The following CDK14 variants were observed in gnomAD, a reference collection of about 807,000 sequenced individuals.
The protein encoded by CDK14 is cyclin-dependent kinase 14.
CDK14 carries 34 observed loss-of-function variants against 60.7 expected under a neutral mutation model. That is an observed-to-expected ratio of 0.56 (90% CI 0.43 to 0.75). The LOEUF is 0.75. Among genes scored for constraint, CDK14 ranks in the 30% least tolerant of loss-of-function variants. The probability of loss-of-function intolerance (pLI) is 0.00; values close to 1 mark genes in which losing one functional copy is unlikely to be tolerated. For synonymous variants in CDK14, 197 were observed against 203.7 expected (o/e 0.97, Z 0.28); for missense variants, 482 against 564.1 (o/e 0.85, Z 1.47).
intron 5 of CDK14, among the ~76,000 whole-genome samples, chr7:90,833,939 A>G (rs1435543158): frequency 6.6e-6 from 1 of 152,168 alleles, no homozygotes. Flanking sequence ...TGGATATTTC[A>G]TAGTAGCTCT....
chr7:90,880,623 C>A (rs540876907), intron 6 of CDK14, among the ~76,000 whole-genome samples: 1 of 152,268 alleles, frequency 6.6e-6, no homozygotes, highest in East Asian at 1.9e-4. Context: ...TGCCACCCAA[C>A]TGGATGAGAC....
At chr7:90,886,170 G>A (rs993680574) in intron 6 of CDK14, among the ~76,000 whole-genome samples, 1 of 151,984 alleles carries the variant, frequency 6.6e-6, no homozygotes, top group Non-Finnish European at 1.5e-5. Flanking sequence ...CTCTATGAGG[G>A]CACTGAGTTG....
At chr7:90,787,783 A>T (rs1271860240) in intron 4 of CDK14, among the ~76,000 whole-genome samples, 1 of 152,212 alleles carries the variant, frequency 6.6e-6, no homozygotes, top group African/African-American at 2.4e-5. Context: ...AAAAACAAAC[A>T]CTTGGAGGTT....
intron 3 of CDK14, among the ~76,000 whole-genome samples, chr7:90,735,849 G>A (rs892334560): frequency 6.6e-6 from 1 of 152,186 alleles, no homozygotes; most frequent in Non-Finnish European, 1.5e-5. Flanking sequence ...TGTCTCCCTG[G>A]CATTCCAGGT....
chr7:91,117,447 G>T (rs62468510), intron 13 of CDK14, among the ~76,000 whole-genome samples: 22 of 151,540 alleles, frequency 1.5e-4, no homozygotes, highest in Non-Finnish European at 2.4e-4. Context: ...CTTATATTTT[G>T]TGCTTGCTCT....
rs1802467636 is a variant in CDK14, at chr7:91,194,404, AAC to A, written c.*29-12759_*29-12758del. 2.6e-5 allele frequency among the ~76,000 whole-genome samples: 4 copies of A among 152,298 alleles called. No individual in the cohort carries two copies. The South Asian group carries it at 8.3e-4, about 32-fold the overall frequency. ...GTAATTACAAAAAGAATAAAACTAA[AAC>A]AGCTTATTGGAGCTGATTGGGCTGA... On this transcript the variant is annotated intron_variant, in intron 14 of 14. Transcript: ENST00000380050.
chr7:91,095,656 A>G (rs1049671096), intron 12 of CDK14, among the ~76,000 whole-genome samples: 1 of 152,192 alleles, frequency 6.6e-6, no homozygotes, highest in African/African-American at 2.4e-5. Flanking sequence ...TTACACAACA[A>G]TGTTAGGAAA....
At chr7:90,875,824 A>G (rs1047709224) in intron 6 of CDK14, among the ~76,000 whole-genome samples, 5 of 151,884 alleles carry the variant, frequency 3.3e-5, no homozygotes, top group African/African-American at 9.7e-5. Context: ...TTTGTGTTTC[A>G]CATATTCTAT....
intron 14 of CDK14, among the ~76,000 whole-genome samples, chr7:91,189,164 CT>C (rs1802277300): frequency 6.6e-6 from 1 of 152,004 alleles, no homozygotes; most frequent in African/African-American, 2.4e-5. Flanking sequence ...TTCTTCTTTC[CT>C]TTATGAATAA....
chr7:91,146,010 C>A lies in CDK14; in HGVS notation c.*28+27802C>A, dbSNP rs1289048971. 2.0e-5 allele frequency among the ~76,000 whole-genome samples: 3 copies of A among 151,972 alleles called. No homozygotes were observed. In the East Asian group the frequency reaches 5.8e-4, roughly 29 times the overall value. On this transcript the variant is annotated intron_variant, in intron 14 of 14. Coordinates refer to ENST00000380050, the MANE Select transcript of CDK14 (RefSeq NM_001287135.2). The stretch of plus-strand genomic sequence containing the variant: ...ATCCTTTTATTTGACTCAAACTGAA[C>A]AATAACATTTAAAACACACAATGGG...
intron 2 of CDK14, among the ~76,000 whole-genome samples, chr7:90,725,595 T>C (rs1802609302): frequency 6.6e-6 from 1 of 152,170 alleles, no homozygotes; most frequent in Non-Finnish European, 1.5e-5. Flanking sequence ...CATATAGGGA[T>C]GTGGGAACTT....
chr7:90,903,674 A>G (rs376293684), intron 7 of CDK14, among the ~76,000 whole-genome samples: 2 of 152,318 alleles, frequency 1.3e-5, no homozygotes, highest in East Asian at 1.9e-4. Context: ...ATAGTTAACA[A>G]CAATACATTG....
intron 4 of CDK14, among the ~76,000 whole-genome samples, chr7:90,785,271 T>C (rs1407453487): frequency 6.6e-6 from 1 of 152,240 alleles, no homozygotes; most frequent in African/African-American, 2.4e-5. Context: ...TTTTCAGAGA[T>C]GACACAGATA....
rs115312869 is a variant in CDK14, at chr7:90,949,910, G to A, written c.827-5787G>A. Reference sequence around the variant, plus strand: ...ACAAAAAACATAGACCTGTCCTCAGGGCGCCCAATTTTCTGGAAAGGATAC... The same window carrying A: ...ACAAAAAACATAGACCTGTCCTCAGAGCGCCCAATTTTCTGGAAAGGATAC... On this transcript the variant is annotated intron_variant, in intron 8 of 14. Coordinates refer to ENST00000380050, the MANE Select transcript of CDK14 (RefSeq NM_001287135.2). 5.3e-3 allele frequency among the ~76,000 whole-genome samples: 805 copies of A among 152,216 alleles called. 11 individuals are homozygous for A. The highest frequency in any genetic ancestry group is 0.018 in the African/African-American group (765 of 41,536).
rs1035175782 is a variant in CDK14 at position 90,743,824 on chromosome 7, C to G, written c.370-3857C>G. Among the ~76,000 whole-genome samples the G allele has an allele frequency of 4.7e-4, 72 of 152,058 alleles. 1 individual carries two copies. The highest frequency in any genetic ancestry group is 1.7e-3 in the African/African-American group (70 of 41,500). ...TAGGTATTATTTTAAAAAATGCTTA[C>G]TGGGCTATATTTTCCCCTTCTTTAT... On this transcript the variant is annotated intron_variant, in intron 3 of 14. Transcript: ENST00000380050.
chr7:91,104,155 A>G (rs1393179630), intron 12 of CDK14, among the ~76,000 whole-genome samples: 1 of 152,146 alleles, frequency 6.6e-6, no homozygotes, highest in Non-Finnish European at 1.5e-5. Flanking sequence ...CTTGTCCCAC[A>G]TACCCTTCCA....
intron 5 of CDK14, among the ~76,000 whole-genome samples, chr7:90,834,572 T>A (rs1250110208): frequency 6.6e-6 from 1 of 152,108 alleles, no homozygotes. Flanking sequence ...TGCATTTGGG[T>A]TTTTAGTAGA....
chr7:90,852,778 G>C (rs921828189), intron 5 of CDK14, among the ~76,000 whole-genome samples: 3 of 152,150 alleles, frequency 2.0e-5, no homozygotes, highest in Admixed American at 2.0e-4. Context: ...CAGGGCTGAG[G>C]TGAACTTAGG....
intron 2 of CDK14, among the ~76,000 whole-genome samples, chr7:90,608,040 A>G (rs925435708): frequency 6.6e-6 from 1 of 152,182 alleles, no homozygotes; most frequent in African/African-American, 2.4e-5. Flanking sequence ...GAAGATTGGT[A>G]TTTTGTGTCA....
Sources: allele counts gnomAD v4.1 joint callset (sites outside exome capture counted in the v4.1 genomes callset), GRCh38; gene constraint gnomAD v4.1.1; transcripts MANE v1.5; gene names NCBI Gene and HGNC (gene_info 2026-07-23, HGNC 2026-07-21).